The following KCNIP4 variants were observed in gnomAD, a reference collection of about 807,000 sequenced individuals.
KCNIP4 encodes potassium voltage-gated channel interacting protein 4.
A neutral mutation model predicts 34.0 loss-of-function variants in KCNIP4; 12 were observed. The observed-to-expected ratio is 0.35, with a 90% CI of 0.23 to 0.57. The LOEUF (loss-of-function observed/expected upper bound fraction) is 0.57, where lower values mean the gene tolerates loss of function less well. Ranked by LOEUF, KCNIP4 falls within the 20% of genes least tolerant of loss-of-function variation. The pLI, the probability that KCNIP4 is intolerant of heterozygous loss-of-function variation, is 0.83. For missense variants in KCNIP4, 238 were observed against 311.7 expected (o/e 0.76, Z 1.78); for synonymous variants, 124 against 102.2 (o/e 1.21, Z -1.29).
intron 1 of KCNIP4, among the ~76,000 whole-genome samples, chr4:21,917,089 T>C (rs1419998013): frequency 6.6e-6 from 1 of 152,146 alleles, no homozygotes; most frequent in Non-Finnish European, 1.5e-5. Flanking sequence ...GATCATGTCA[T>C]TAATGATAAG....
intron 2 of KCNIP4, among the ~76,000 whole-genome samples, chr4:20,863,260 G>T (rs941901615): frequency 7.9e-5 from 12 of 152,072 alleles, no homozygotes; most frequent in Non-Finnish European, 1.5e-4. Context: ...TCAGTTTGGA[G>T]ATGGAACCAT....
At chr4:21,060,265 TA>T (rs1435615592) in intron 1 of KCNIP4, among the ~76,000 whole-genome samples, 2 of 152,252 alleles carry the variant, frequency 1.3e-5, no homozygotes, top group South Asian at 2.1e-4. Context: ...ATAACAGCCT[TA>T]AAAAATTAAT....
At chr4:20,914,573 G>T (rs913496162) in intron 1 of KCNIP4, among the ~76,000 whole-genome samples, 3 of 152,076 alleles carry the variant, frequency 2.0e-5, no homozygotes, top group African/African-American at 7.2e-5. Flanking sequence ...TTATATAGCT[G>T]CCCACACTAA....
At chr4:21,046,505 C>T (rs1577592155) in intron 1 of KCNIP4, among the ~76,000 whole-genome samples, 1 of 151,970 alleles carries the variant, frequency 6.6e-6, no homozygotes, top group African/African-American at 2.4e-5. Context: ...AGGATTTAGA[C>T]TTTTAAATAA....
intron 1 of KCNIP4, among the ~76,000 whole-genome samples, chr4:21,385,725 G>A (rs750180699): frequency 2.6e-5 from 4 of 152,110 alleles, no homozygotes; most frequent in East Asian, 1.9e-4. Flanking sequence ...GATTGTGGCC[G>A]TGAAGCTTAG....
rs148547883 is a variant in KCNIP4, at chr4:21,513,474, T to C, written c.61+435097A>G. ...AGTACCAGAAGGTAGCATAATACAC[T>C]ATGCATCCTTTATCACTGGCATGAA... On this transcript the variant is annotated intron_variant, in intron 1 of 8. Coordinates refer to ENST00000382152, the MANE Select transcript of KCNIP4 (RefSeq NM_025221.6). Among the ~76,000 whole-genome samples, 462 of 152,302 alleles carry C rather than the reference T, an allele frequency of 3.0e-3. 3 individuals are homozygous for C. The highest frequency in any genetic ancestry group is 0.011 in the African/African-American group (437 of 41,552).
chr4:21,082,211 G>T (rs1355876518), intron 1 of KCNIP4, among the ~76,000 whole-genome samples: 1 of 151,622 alleles, frequency 6.6e-6, no homozygotes, highest in South Asian at 2.1e-4. Flanking sequence ...GAGTTTAAAG[G>T]AAAACAACAG....
chr4:21,695,426 T>G (rs1300734901), intron 1 of KCNIP4, among the ~76,000 whole-genome samples: 6 of 134,178 alleles, frequency 4.5e-5, no homozygotes, highest in African/African-American at 9.8e-5. Flanking sequence ...ATGCTGTGCT[T>G]CTTCTTTTTT....
chr4:21,276,446 C>T (rs1004244518), intron 1 of KCNIP4, among the ~76,000 whole-genome samples: 10 of 149,434 alleles, frequency 6.7e-5, no homozygotes, highest in African/African-American at 2.2e-4. Flanking sequence ...AAGTAGTGAT[C>T]CACCTGCCTC....
At chr4:21,390,687 G>A (rs1722483207) in intron 1 of KCNIP4, among the ~76,000 whole-genome samples, 1 of 152,154 alleles carries the variant, frequency 6.6e-6, no homozygotes, top group Non-Finnish European at 1.5e-5. Flanking sequence ...CCAGTACCAT[G>A]CTGTTTTGGT....
intron 1 of KCNIP4, among the ~76,000 whole-genome samples, chr4:21,494,661 TACTC>T (rs938172418): frequency 1.3e-5 from 2 of 151,684 alleles, no homozygotes; most frequent in Non-Finnish European, 2.9e-5. Context: ...TAGTCCCAGT[TACTC>T]AGGAGTCTGA....
At chr4:21,847,766 T>C (rs1189528226) in intron 1 of KCNIP4, 1 of 152,138 alleles carries the variant, frequency 6.6e-6, no homozygotes, top group African/African-American at 2.4e-5. Flanking sequence ...TCACCTTTTT[T>C]TATCTTTTCT....
chr4:20,777,109 T>C (rs952577869), intron 3 of KCNIP4, among the ~76,000 whole-genome samples: 2 of 152,172 alleles, frequency 1.3e-5, no homozygotes, highest in Non-Finnish European at 2.9e-5. Flanking sequence ...ATGGGTAATT[T>C]ATAAAGAAAA....
chr4:21,863,849 T>C (rs1725254677), intron 1 of KCNIP4, among the ~76,000 whole-genome samples: 3 of 152,208 alleles, frequency 2.0e-5, no homozygotes, highest in African/African-American at 7.2e-5. Flanking sequence ...TATGAACATA[T>C]TTACAAAATA....
intron 1 of KCNIP4, among the ~76,000 whole-genome samples, chr4:20,940,233 C>T (rs947917488): frequency 3.9e-5 from 6 of 152,186 alleles, no homozygotes; most frequent in Admixed American, 2.0e-4. Context: ...ACCTTCCCTT[C>T]TTGCATTAGA....
intron 1 of KCNIP4, among the ~76,000 whole-genome samples, chr4:21,021,150 G>A (rs908789276): frequency 1.3e-5 from 2 of 152,132 alleles, no homozygotes; most frequent in Non-Finnish European, 2.9e-5. Context: ...AGGCAACTGT[G>A]ACACAATTTT....
At chr4:21,902,417 T>A (rs1485597060) in intron 1 of KCNIP4, among the ~76,000 whole-genome samples, 1 of 152,100 alleles carries the variant, frequency 6.6e-6, no homozygotes, top group South Asian at 2.1e-4. Context: ...AATAAATCCA[T>A]ATTTTCAAAT....
chr4:21,527,199 T>C (rs1359351409), intron 1 of KCNIP4, among the ~76,000 whole-genome samples: 1 of 152,168 alleles, frequency 6.6e-6, no homozygotes, highest in Non-Finnish European at 1.5e-5. Context: ...ATAATGAATA[T>C]GATTTGTTGG....
At chr4:20,838,784 G>A (rs1243128594) in intron 3 of KCNIP4, among the ~76,000 whole-genome samples, 1 of 152,164 alleles carries the variant, frequency 6.6e-6, no homozygotes, top group Non-Finnish European at 1.5e-5. Flanking sequence ...AACCAACTAT[G>A]ACTTGAAAGA....
Sources: gnomAD v4.1 joint callset for allele counts (sites outside exome capture counted in the v4.1 genomes callset) on GRCh38, gnomAD v4.1.1 for gene constraint, MANE v1.5 for transcripts, NCBI Gene and HGNC (gene_info 2026-07-23, HGNC 2026-07-21) for gene names.